C8orf74: variants seen among roughly 807,000 people sequenced by gnomAD.
C8orf74 encodes chromosome 8 open reading frame 74, also known as uncharacterized protein C8orf74.
Under a neutral mutation model 22.2 loss-of-function variants are expected in C8orf74, and 29 were observed. The observed-to-expected ratio is 1.31, with a 90% confidence interval of 0.97 to 1.78. The LOEUF (loss-of-function observed/expected upper bound fraction) is 1.78. Ranked by LOEUF, C8orf74 falls within the 40% of genes most tolerant of loss-of-function variation. The probability of loss-of-function intolerance (pLI) is 0.00; values close to 1 mark genes in which losing one functional copy is unlikely to be tolerated. For missense variants in C8orf74, 515 were observed against 369.9 expected (o/e 1.39, Z -3.22); for synonymous variants, 255 against 163.1 (o/e 1.56, Z -4.30).
Position 10,697,691 on chromosome 8 carries a change from G to A in C8orf74, c.334G>A (p.Asp112Asn), listed in dbSNP as rs762124863. The change falls in exon 3 of 4, where the codon GAC becomes AAC. Residue 112 changes from aspartate (D) to asparagine (N), a missense_variant. Transcript: ENST00000304519. ...FNTTHLLALC[D>N]YFHHTFIRHY... ...CACCACCCACCTGCTGGCCCTCTGT[G>A]ACTACTTCCACCACACCTTCATCCG... The A allele has an allele frequency of 6.2e-7, 1 of 1,613,958 alleles. No individual in the cohort carries two copies. The highest frequency in any genetic ancestry group is 1.1e-5 in the South Asian group (1 of 91,080).
chr8:10,682,068 G>A (rs1042763334), intron 2 of C8orf74, among the ~76,000 whole-genome samples: 3 of 152,166 alleles, frequency 2.0e-5, no homozygotes, highest in Admixed American at 6.5e-5. Context: ...GAAGTACCCC[G>A]CCCTCACATC....
intron 2 of C8orf74, among the ~76,000 whole-genome samples, chr8:10,695,797 G>A (rs973504423): frequency 6.6e-6 from 1 of 152,196 alleles, no homozygotes; most frequent in Non-Finnish European, 1.5e-5. Flanking sequence ...AAAGGAAGGA[G>A]TCTGTGGACA....
At position 10,697,499 on chromosome 8, in the gene C8orf74, G is replaced by A. The variant is rs535857901; in HGVS notation, c.242-100G>A. 3 of 978,266 alleles carry A rather than the reference G, an allele frequency of 3.1e-6. No individual in the cohort carries two copies. The South Asian group carries it at 4.7e-5, about 15-fold the overall frequency. 60.6% of individuals were successfully genotyped at this position (978,266 alleles called of 1,614,324 possible). ...TTTTTAAAAATGCAGTGGGGACATG[G>A]GCTCTGTGACCAGGCTGTCGGGGTG... On this transcript the variant is annotated intron_variant, in intron 2 of 3. Coordinates refer to ENST00000304519, the MANE Select transcript of C8orf74 (RefSeq NM_001040032.2).
chr8:10,683,360 C>T (rs1182938861), intron 2 of C8orf74, among the ~76,000 whole-genome samples: 3 of 152,200 alleles, frequency 2.0e-5, no homozygotes, highest in East Asian at 1.9e-4. Context: ...AGATGGTACA[C>T]GTTCTCTCAG....
chr8:10,691,122 A>C (rs942216234), intron 2 of C8orf74: 27 of 364,328 alleles, frequency 7.4e-5, no homozygotes, highest in Non-Finnish European at 1.3e-4. Context: ...AGCTTTGCTG[A>C]AACCCAGAAC....
intron 2 of C8orf74, 126 bp from the exon 3 acceptor site, chr8:10,697,473 T>G (rs1799547296): frequency 1.3e-6 from 1 of 749,862 alleles, no homozygotes; most frequent in Non-Finnish European, 2.1e-6. Flanking sequence ...GAAATAAATA[T>G]TTTTTAAAAA....
At chr8:10,675,792 G>C (rs567823239) in intron 2 of C8orf74, 1 of 152,328 alleles carries the variant, frequency 6.6e-6, no homozygotes, top group East Asian at 1.9e-4. Context: ...GCTCAAAGTA[G>C]CCCTCCTGCC....
At chr8:10,685,429 G>T (rs576421790) in intron 2 of C8orf74, among the ~76,000 whole-genome samples, 2 of 152,348 alleles carry the variant, frequency 1.3e-5, no homozygotes, top group South Asian at 4.1e-4. Context: ...AGCAGAATGT[G>T]ATCTATCCAT....
At chr8:10,692,444 C>A (rs1002785606) in intron 2 of C8orf74, 1 of 152,374 alleles carries the variant, frequency 6.6e-6, no homozygotes, top group African/African-American at 2.4e-5. Flanking sequence ...AGCCCAGCAG[C>A]CTCCATGGTG....
intron 2 of C8orf74, among the ~76,000 whole-genome samples, chr8:10,686,291 A>G (rs1373822207): frequency 1.3e-5 from 2 of 152,226 alleles, no homozygotes; most frequent in African/African-American, 4.8e-5. Flanking sequence ...AGCAGTAGGC[A>G]AGCCACATGC....
intron 2 of C8orf74, chr8:10,688,300 C>T (rs1028772501): frequency 1.3e-5 from 2 of 152,012 alleles, no homozygotes. Flanking sequence ...CTACTGACTT[C>T]TAACATCATA....
Position 10,697,519 on chromosome 8 carries a change from G to A in C8orf74, c.242-80G>A, listed in dbSNP as rs1332458713. 5 of 1,235,092 alleles carry A rather than the reference G, an allele frequency of 4.0e-6. No homozygotes were observed. In the Admixed American group the frequency reaches 5.9e-5, roughly 15 times the overall value. The allele number at this position is 1,235,092 out of a possible 1,614,324, so 76.5% of individuals were successfully genotyped here. On this transcript the variant is annotated intron_variant, in intron 2 of 3. Transcript: ENST00000304519. Reference sequence around the variant, plus strand: ...ACATGGGCTCTGTGACCAGGCTGTCGGGGTGCAGAGCCCACATCCACTGCC... The same window carrying A: ...ACATGGGCTCTGTGACCAGGCTGTCAGGGTGCAGAGCCCACATCCACTGCC...
chr8:10,686,555 G>C (rs1010576949), intron 2 of C8orf74: 3 of 152,904 alleles, frequency 2.0e-5, no homozygotes, highest in African/African-American at 7.2e-5. Flanking sequence ...TTCAGTACAA[G>C]AATCTAGACT....
Position 10,697,707 on chromosome 8 carries a change from C to G in C8orf74, c.350C>G (p.Thr117Ser). 1.9e-6 allele frequency: 3 copies of G among 1,614,024 alleles called. No individual in the cohort carries two copies. The highest frequency in any genetic ancestry group is 2.5e-6 in the Non-Finnish European group (3 of 1,179,894). ...GCCCTCTGTGACTACTTCCACCACA[C>G]CTTCATCCGCCACTACAAACTCTAC... ...LLALCDYFHH[T>S]FIRHYKLYQY... Residue 117 changes from threonine to serine, a missense_variant, in exon 3 of 4, where the codon ACC (threonine) becomes AGC (serine). By Grantham distance (58) the Thr-to-Ser change is moderately conservative (BLOSUM62 1). Transcript: ENST00000304519.
rs771243175 is a variant in C8orf74, at chr8:10,700,287, A to G, written c.701A>G (p.Gln234Arg). 1.7e-5 allele frequency: 27 copies of G among 1,613,406 alleles called. No individual in the cohort carries two copies. The highest frequency in any genetic ancestry group is 4.0e-5 in the African/African-American group (3 of 74,914). The change falls in exon 4 of 4, where the codon CAG becomes CGG. Residue 234 changes from glutamine to arginine, a missense_variant. Coordinates refer to ENST00000304519, the MANE Select transcript of C8orf74 (RefSeq NM_001040032.2). ...QAVHTQMELL[Q>R]ELLQRQIQNT... ...GTCCACACCCAGATGGAGCTCCTGC[A>G]GGAGCTGCTGCAGCGCCAGATCCAG...
At chr8:10,694,465 G>A (rs1799447143) in intron 2 of C8orf74, among the ~76,000 whole-genome samples, 1 of 152,066 alleles carries the variant, frequency 6.6e-6, no homozygotes, top group Non-Finnish European at 1.5e-5. Flanking sequence ...TATTTAAAGG[G>A]GAAAGTGGGC....
chr8:10,698,351 G>C (rs1246673440), intron 3 of C8orf74, among the ~76,000 whole-genome samples: 1 of 152,110 alleles, frequency 6.6e-6, no homozygotes, highest in Non-Finnish European at 1.5e-5. Flanking sequence ...AAGAGAGGCA[G>C]GAAAAAGACT....
chr8:10,694,396 A>G (rs144647539), intron 2 of C8orf74, among the ~76,000 whole-genome samples: 1 of 152,268 alleles, frequency 6.6e-6, no homozygotes, highest in African/African-American at 2.4e-5. Flanking sequence ...GCCAAGGTTA[A>G]TGATGTACCT....
chr8:10,693,668 G>C (rs1799430622), intron 2 of C8orf74, among the ~76,000 whole-genome samples: 1 of 152,230 alleles, frequency 6.6e-6, no homozygotes, highest in Admixed American at 6.5e-5. Flanking sequence ...CAGGGGTCAT[G>C]TCAGACGTCA....
Sources: allele counts gnomAD v4.1 joint callset (sites outside exome capture counted in the v4.1 genomes callset), GRCh38; gene constraint gnomAD v4.1.1; transcripts MANE v1.5; gene names NCBI Gene and HGNC (gene_info 2026-07-23, HGNC 2026-07-21).